NOX3: variants seen among roughly 807,000 people sequenced by gnomAD.
NOX3 encodes NADPH oxidase catalytic subunit-like 3.
A neutral mutation model predicts 76.7 loss-of-function variants in NOX3; 74 were observed. That is an observed-to-expected ratio of 0.96 (90% CI 0.80 to 1.17). The LOEUF is 1.17. Ranked by LOEUF, NOX3 falls within the 50% of genes most tolerant of loss-of-function variation. NOX3 has a pLI of 0.00. For missense variants in NOX3, 695 were observed against 703.3 expected, an observed-to-expected ratio of 0.99 and a Z score of 0.13; for synonymous variants, 263 against 261.1, an observed-to-expected ratio of 1.01 and a Z score of -0.07.
At position 155,407,174 on chromosome 6, in the gene NOX3, G is replaced by A; in HGVS notation, c.1536C>T (p.Pro512=). ...GLKQKTFYGR[P]NWNNEFKQIA... ...TCTGCTTGAACTCATTGTTCCAGTT[G>A]GGCCTCCCATAGAAGGTCTTCTGCT... is the stretch of plus-strand genomic sequence containing the variant. The change falls in exon 12 of 14, where the codon CCC becomes CCT. Residue 512 remains proline, a synonymous_variant. Coordinates refer to ENST00000159060, the MANE Select transcript of NOX3 (RefSeq NM_015718.3). 2 of 1,614,028 alleles carry A rather than the reference G, an allele frequency of 1.2e-6. No individual in the cohort carries two copies. Among genetic ancestry groups the A allele is most frequent in the Non-Finnish European group, 1.7e-6 (2 of 1,179,956 alleles).
chr6:155,414,068 T>G (rs961308693), intron 10 of NOX3, among the ~76,000 whole-genome samples: 4 of 152,224 alleles, frequency 2.6e-5, no homozygotes, highest in Non-Finnish European at 4.4e-5. Context: ...TTCCTCGTAA[T>G]GGCTTTGTGT....
rs139662249 is a variant in NOX3, at chr6:155,406,047, T to C, written c.1580+1083A>G. ...AATGATGTCTCCTGCCTCAGGGCCT[T>C]GGCACATGCTCCAGTTGCCCACATG... On this transcript the variant is annotated intron_variant, in intron 12 of 13. Coordinates refer to ENST00000159060, the MANE Select transcript of NOX3 (RefSeq NM_015718.3). 3.0e-3 allele frequency among the ~76,000 whole-genome samples: 454 copies of C among 152,340 alleles called. 2 individuals are homozygous for C. Among genetic ancestry groups the C allele is most frequent in the African/African-American group, 0.01 (436 of 41,570 alleles).
intron 11 of NOX3, among the ~76,000 whole-genome samples, chr6:155,408,208 G>A (rs1339057871): frequency 6.6e-6 from 1 of 152,056 alleles, no homozygotes; most frequent in African/African-American, 2.4e-5. Flanking sequence ...GGATGGTCTC[G>A]ATCTCCTGAC....
chr6:155,455,687 T>C, intron 1 of NOX3, 66 bp downstream of exon 1: 1 of 1,327,494 alleles, frequency 7.5e-7, no homozygotes, highest in South Asian at 1.2e-5. Flanking sequence ...CCTATACAAG[T>C]TTTCCTAAAA....
chr6:155,444,710 A>C (rs1188134951), intron 4 of NOX3, among the ~76,000 whole-genome samples: 1 of 152,214 alleles, frequency 6.6e-6, no homozygotes, highest in Non-Finnish European at 1.5e-5. Flanking sequence ...TTTATGATGA[A>C]AAAAGCATTA....
intron 9 of NOX3, among the ~76,000 whole-genome samples, chr6:155,423,953 G>C (rs1353777054): frequency 2.0e-5 from 3 of 152,052 alleles, no homozygotes; most frequent in African/African-American, 7.2e-5. Flanking sequence ...ATTTTGGCCA[G>C]GATGGTCTTG....
rs1562463059 is a variant in NOX3, at chr6:155,421,004, C to T, written c.1308+1690G>A. ...GTTATGTGGATCAGGAAACTCAGCT[C>T]AGAGAGGTGAACTGCAGGCAGTATT... On this transcript the variant is annotated intron_variant, in intron 10 of 13. Coordinates refer to ENST00000159060, the MANE Select transcript of NOX3 (RefSeq NM_015718.3). Among the ~76,000 whole-genome samples, 3 of 152,154 alleles carry T rather than the reference C, an allele frequency of 2.0e-5. No individual in the cohort carries two copies. In the South Asian group the frequency reaches 6.2e-4, roughly 32 times the overall value.
At chr6:155,413,917 C>T (rs140391852) in intron 10 of NOX3, among the ~76,000 whole-genome samples, 1 of 152,338 alleles carries the variant, frequency 6.6e-6, no homozygotes, top group African/African-American at 2.4e-5. Context: ...TCCCAGTCGT[C>T]CTTTCTTGAA....
intron 7 of NOX3, among the ~76,000 whole-genome samples, chr6:155,432,377 C>T (rs569558534): frequency 1.3e-4 from 19 of 142,084 alleles, no homozygotes; most frequent in Non-Finnish European, 2.9e-4. Flanking sequence ...TTTCTAAATC[C>T]ACCACCTTAC....
chr6:155,438,002 A>C (rs905635206), intron 6 of NOX3, among the ~76,000 whole-genome samples: 1 of 152,252 alleles, frequency 6.6e-6, no homozygotes, highest in East Asian at 1.9e-4. Flanking sequence ...TCATCTTATG[A>C]GATGTTATTT....
At chr6:155,432,957 T>C (rs1237406022) in intron 7 of NOX3, among the ~76,000 whole-genome samples, 1 of 152,194 alleles carries the variant, frequency 6.6e-6, no homozygotes, top group Non-Finnish European at 1.5e-5. Context: ...TTTGGATGTT[T>C]ATAGAAATGA....
intron 4 of NOX3, among the ~76,000 whole-genome samples, chr6:155,450,845 T>G (rs1777125309): frequency 6.6e-6 from 1 of 152,122 alleles, no homozygotes; most frequent in Non-Finnish European, 1.5e-5. Context: ...GGCACATGCA[T>G]GGTCATTGGA....
chr6:155,452,911 G>A (rs536047574), intron 4 of NOX3, among the ~76,000 whole-genome samples: 1 of 152,224 alleles, frequency 6.6e-6, no homozygotes, highest in South Asian at 2.1e-4. Context: ...TTTATATGCC[G>A]ATAAAGCTTC....
intron 11 of NOX3, among the ~76,000 whole-genome samples, chr6:155,408,955 G>A (rs775153039): frequency 2.6e-5 from 4 of 151,666 alleles, no homozygotes; most frequent in African/African-American, 4.8e-5. Flanking sequence ...CTCCAAAAGG[G>A]GGGGAGGGTG....
At chr6:155,413,533 G>A (rs1362426786) in intron 10 of NOX3, among the ~76,000 whole-genome samples, 1 of 152,118 alleles carries the variant, frequency 6.6e-6, no homozygotes, top group Non-Finnish European at 1.5e-5. Flanking sequence ...GAGGAGGAAA[G>A]GAGACCAGTT....
intron 11 of NOX3, 142 bp from the exon 12 acceptor site, chr6:155,407,396 T>A (rs963751682): frequency 3.8e-6 from 3 of 779,302 alleles, no homozygotes; most frequent in Admixed American, 5.7e-5. Flanking sequence ...TATTTGCAGA[T>A]GTCTCCAATG....
At chr6:155,451,454 A>G (rs1360182127) in intron 4 of NOX3, among the ~76,000 whole-genome samples, 3 of 152,196 alleles carry the variant, frequency 2.0e-5, no homozygotes, top group Admixed American at 2.0e-4. Flanking sequence ...AGTTTCAGAA[A>G]GTTATAGCTG....
At chr6:155,420,533 G>A (rs1053568961) in intron 10 of NOX3, among the ~76,000 whole-genome samples, 8 of 152,168 alleles carry the variant, frequency 5.3e-5, no homozygotes, top group Non-Finnish European at 1.2e-4. Flanking sequence ...GAGCTTTGGT[G>A]CCAGAAGGAT....
At chr6:155,403,118 G>T (rs1483846528) in intron 12 of NOX3, among the ~76,000 whole-genome samples, 2 of 152,184 alleles carry the variant, frequency 1.3e-5, no homozygotes, top group Non-Finnish European at 2.9e-5. Flanking sequence ...CTGGACAAAG[G>T]CCAGGATATT....
Sources: gnomAD v4.1 joint callset for allele counts (sites outside exome capture counted in the v4.1 genomes callset) on GRCh38, gnomAD v4.1.1 for gene constraint, MANE v1.5 for transcripts, NCBI Gene and HGNC (gene_info 2026-07-23, HGNC 2026-07-21) for gene names.